Variants in DAGLA observed in about 807,000 individuals in gnomAD.
DAGLA encodes diacylglycerol lipase alpha.
Under a neutral mutation model 102.6 loss-of-function variants are expected in DAGLA, and 22 were observed. That is an observed-to-expected ratio of 0.21 (90% CI 0.15 to 0.31). The LOEUF is 0.31. Ranked by LOEUF, DAGLA falls within the 10% of genes least tolerant of loss-of-function variation. The pLI is 1.00. For missense variants in DAGLA, 927 were observed against 1,446.6 expected (o/e 0.64, Z 5.83); for synonymous variants, 578 against 628.9 (o/e 0.92, Z 1.21).
intron 1 of DAGLA, among the ~76,000 whole-genome samples, chr11:61,709,959 C>T (rs1226549106): frequency 3.3e-5 from 5 of 152,120 alleles, no homozygotes; most frequent in Admixed American, 2.0e-4. Context: ...AGCCAGACCC[C>T]GAGGGCCAAC....
At chr11:61,698,071 A>G (rs1426920645) in intron 1 of DAGLA, among the ~76,000 whole-genome samples, 13 of 152,226 alleles carry the variant, frequency 8.5e-5, no homozygotes, top group Admixed American at 8.5e-4. Context: ...TTATGTTTAC[A>G]TTATCATCAG....
chr11:61,714,236 T>C (rs998402607), intron 1 of DAGLA, among the ~76,000 whole-genome samples: 1 of 152,214 alleles, frequency 6.6e-6, no homozygotes, highest in East Asian at 1.9e-4. Flanking sequence ...CTGCTCTTCA[T>C]TCAGCACCAG....
chr11:61,726,104 C>G lies in DAGLA; in HGVS notation c.636+22C>G, dbSNP rs773426231. The G allele has an allele frequency of 1.3e-5, 21 of 1,603,750 alleles. No homozygotes were observed. The African/African-American group carries it at 2.3e-4, about 17-fold the overall frequency. On this transcript the variant is annotated intron_variant, in intron 6 of 19. Transcript: ENST00000257215. ...GTCAGTAAGTACTGGGAGGTCGCTC[C>G]CCTCTGGCTCACATCCTGTGGTCAG...
At chr11:61,692,178 C>A (rs187541502) in intron 1 of DAGLA, among the ~76,000 whole-genome samples, 1 of 152,166 alleles carries the variant, frequency 6.6e-6, no homozygotes, top group East Asian at 1.9e-4. Context: ...CAGGTGCCCA[C>A]GTGGCCCATG....
chr11:61,701,023 C>T (rs1288609079), intron 1 of DAGLA, among the ~76,000 whole-genome samples: 1 of 152,238 alleles, frequency 6.6e-6, no homozygotes, highest in African/African-American at 2.4e-5. Context: ...CAGCATCGCT[C>T]AGATGTTGTT....
chr11:61,720,645 C>A (rs1405105572), intron 2 of DAGLA, 34 bp from the exon 3 acceptor site: 3 of 1,606,782 alleles, frequency 1.9e-6, no homozygotes, highest in East Asian at 4.5e-5. Context: ...ACAGGGGCCA[C>A]CTGGCCTTGC....
Position 61,684,746 on chromosome 11 carries a change from G to A in DAGLA, c.-45+4242G>A, listed in dbSNP as rs568872985. Among the ~76,000 whole-genome samples the A allele has an allele frequency of 4.6e-5, 7 of 152,108 alleles. No homozygotes were observed. Among genetic ancestry groups the A allele is most frequent in the Non-Finnish European group, 8.8e-5 (6 of 68,024 alleles). On this transcript the variant is annotated intron_variant, in intron 1 of 19. Coordinates refer to ENST00000257215, the MANE Select transcript of DAGLA (RefSeq NM_006133.3). This position sits in a 1 kb window ranked among gnomAD's most constrained non-coding sequence, Gnocchi z 4.5. Reference sequence around the variant, plus strand: ...TTCTGTGGGAAGTGAGGGCGGAGGGGGTGTGGAGCGCCTGGTGGTGTGGGA... The same window carrying A: ...TTCTGTGGGAAGTGAGGGCGGAGGGAGTGTGGAGCGCCTGGTGGTGTGGGA...
Position 61,744,178 on chromosome 11 carries a change from G to A in DAGLA, c.2818G>A (p.Glu940Lys), listed in dbSNP as rs761881059. 6.2e-6 allele frequency: 10 copies of A among 1,612,916 alleles called. No homozygotes were observed. The highest frequency in any genetic ancestry group is 2.7e-5 in the African/African-American group (2 of 74,920). ...AGACCTCTACTGCATGGTGGTGCCC[G>A]AGAGCCCCACCAGTGACTACGCTGA... Reference protein sequence around the residue: ...FQDLYCMVVPESPTSDYAEGP... With the variant: ...FQDLYCMVVPKSPTSDYAEGP... Residue 940 changes from glutamate (E) to lysine (K), a missense_variant, in exon 20 of 20, where the codon GAG (glutamate) becomes AAG (lysine). Transcript: ENST00000257215.
chr11:61,731,554 A>C, intron 9 of DAGLA, 113 bp downstream of exon 9: 1 of 1,397,632 alleles, frequency 7.2e-7, no homozygotes, highest in Non-Finnish European at 9.8e-7. Context: ...TCTTTTCTAC[A>C]CCTTCTCTGG....
intron 1 of DAGLA, among the ~76,000 whole-genome samples, chr11:61,714,945 G>A (rs2065224722): frequency 6.6e-6 from 1 of 152,200 alleles, no homozygotes. Context: ...CATTTGCTGA[G>A]CAGTTACCAG....
chr11:61,730,439 G>A (rs1425159716), intron 8 of DAGLA, among the ~76,000 whole-genome samples: 1 of 152,194 alleles, frequency 6.6e-6, no homozygotes, highest in African/African-American at 2.4e-5. Context: ...GAGCAGCTGA[G>A]CTGGCCAGGG....
rs566594065 is a variant in DAGLA, at chr11:61,734,682, G to A, written c.975-167G>A. ...CTCAGTTAAGAGGAAGGCTAAGAGT[G>A]GCCAGTGGATTTGGTGACGTGGGGG... On this transcript the variant is annotated intron_variant, in intron 9 of 19. Coordinates refer to ENST00000257215, the MANE Select transcript of DAGLA (RefSeq NM_006133.3). The surrounding 1 kb of genome is among the most constrained non-coding windows in gnomAD (Gnocchi z 4.2). 2.8e-4 allele frequency among the ~76,000 whole-genome samples: 42 copies of A among 152,318 alleles called. No individual in the cohort carries two copies. The highest frequency in any genetic ancestry group is 1.8e-3 in the Admixed American group (28 of 15,306).
intron 5 of DAGLA, among the ~76,000 whole-genome samples, chr11:61,725,412 A>G (rs1299013189): frequency 6.6e-6 from 1 of 152,106 alleles, no homozygotes; most frequent in Non-Finnish European, 1.5e-5. Context: ...CCCTCTCCCT[A>G]CCTAGGTATC....
chr11:61,681,914 C>T (rs1259147286), intron 1 of DAGLA, among the ~76,000 whole-genome samples: 6 of 152,190 alleles, frequency 3.9e-5, no homozygotes, highest in Non-Finnish European at 2.9e-5. Flanking sequence ...AGAAGTCTTA[C>T]AGTGTAGGGG....
Position 61,744,070 on chromosome 11 carries a change from G to A in DAGLA, c.2710G>A (p.Asp904Asn). ...ELALHNGRLG[D>N]SPSPQVLEFA... ...GGCGCTGCACAATGGGCGCCTGGGG[G>A]ACTCGCCCAGTCCTCAGGTGCTGGA... Residue 904 changes from aspartate to asparagine, a missense_variant, in exon 20 of 20, where the codon GAC becomes AAC. Asp to Asn is a conservative substitution (Grantham distance 23, BLOSUM62 1). Coordinates refer to ENST00000257215, the MANE Select transcript of DAGLA (RefSeq NM_006133.3). The A allele has an allele frequency of 1.2e-6, 2 of 1,612,886 alleles. No homozygotes were observed. Among genetic ancestry groups the A allele is most frequent in the Non-Finnish European group, 1.7e-6 (2 of 1,179,968 alleles).
intron 1 of DAGLA, 129 bp from the exon 2 acceptor site, chr11:61,719,983 C>G: frequency 1.6e-6 from 1 of 630,782 alleles, no homozygotes; most frequent in South Asian, 2.0e-5. Context: ...TCAGCACTTC[C>G]AGTGGCCAGC....
At chr11:61,739,345 C>T (rs1422509441) in intron 16 of DAGLA, 120 bp from the exon 17 acceptor site, 29 of 1,009,982 alleles carry the variant, frequency 2.9e-5, no homozygotes, top group Non-Finnish European at 1.0e-5. Context: ...TCCCCTGCCC[C>T]TTTGCCATCT....
intron 2 of DAGLA, 81 bp from the exon 3 acceptor site, chr11:61,720,598 C>A: frequency 7.5e-7 from 1 of 1,339,770 alleles, no homozygotes; most frequent in Non-Finnish European, 1.1e-6. Flanking sequence ...TGAATCTGGG[C>A]TGGGGAAGGG....
intron 14 of DAGLA, 127 bp downstream of exon 14, chr11:61,737,451 G>A: frequency 2.2e-6 from 3 of 1,346,742 alleles, no homozygotes; most frequent in Non-Finnish European, 3.1e-6. Context: ...GAGTGGCCTG[G>A]AGGGTGGAGG....
Sources: gnomAD v4.1 joint callset for allele counts (sites outside exome capture counted in the v4.1 genomes callset) on GRCh38, gnomAD v4.1.1 for gene constraint, Gnocchi (gnomAD v3.1) non-coding constraint, MANE v1.5 for transcripts, NCBI Gene and HGNC (gene_info 2026-07-23, HGNC 2026-07-21) for gene names.